The following C4orf51 variants were observed in gnomAD, a reference collection of about 807,000 sequenced individuals.
C4orf51 encodes chromosome 4 open reading frame 51.
In C4orf51, 25 loss-of-function variants were observed where a neutral mutation model predicts 25.2. The ratio of observed to expected loss-of-function variants is 0.99; its 90% CI spans 0.72 to 1.39. The LOEUF (loss-of-function observed/expected upper bound fraction) is 1.39. Among genes scored for constraint, C4orf51 ranks in the 40% most tolerant of loss-of-function variants. The pLI, the probability that C4orf51 is intolerant of heterozygous loss-of-function variation, is 0.00. For synonymous variants in C4orf51, 100 were observed against 84.5 expected (o/e 1.18, Z -1.01); for missense variants, 252 against 239.6 (o/e 1.05, Z -0.34).
Position 145,693,667 on chromosome 4 carries a change from C to G in C4orf51, c.234-2892C>G, listed in dbSNP as rs1406549273. Among the ~76,000 whole-genome samples, 134 of 31,626 alleles carry G rather than the reference C, an allele frequency of 4.2e-3. 12 individuals are homozygous for G. Among genetic ancestry groups the G allele is most frequent in the African/African-American group, 0.02 (125 of 6,268 alleles). The allele number at this position is 31,626 out of a possible 152,430, so 20.7% of individuals were successfully genotyped here. On this transcript the variant is annotated intron_variant, in intron 1 of 5. Transcript: ENST00000438731. The stretch of plus-strand genomic sequence containing the variant: ...GCGGCTGGCCGGGCAGGGGGGCTGA[C>G]CCCCCCCACCTCCCTCCCGGAGGGG...
At chr4:145,764,878 G>A in intron 1 of C4orf51, 2 of 1,478,540 alleles carry the variant, frequency 1.4e-6, no homozygotes, top group Admixed American at 1.7e-5. Context: ...CTCATACCAA[G>A]CTCCCCTTCT....
intron 1 of C4orf51, among the ~76,000 whole-genome samples, chr4:145,743,936 C>T (rs1733228485): frequency 6.6e-6 from 1 of 152,212 alleles, no homozygotes; most frequent in Non-Finnish European, 1.5e-5. Flanking sequence ...AATGCCTCCT[C>T]CCACCACAGT....
downstream of C4orf51, chr4:145,758,376 T>C (rs896154109): frequency 2.0e-5 from 3 of 152,184 alleles, no homozygotes; most frequent in African/African-American, 7.2e-5. Context: ...ACAAGTGGCA[T>C]GCTGTAAAAC....
intron 2 of C4orf51, among the ~76,000 whole-genome samples, chr4:145,700,944 G>C (rs961167381): frequency 1.3e-5 from 2 of 152,066 alleles, no homozygotes; most frequent in African/African-American, 4.8e-5. Flanking sequence ...CTCTTAAAAA[G>C]GTGGCTGGAG....
intron 4 of C4orf51, among the ~76,000 whole-genome samples, chr4:145,729,530 C>A (rs532412298): frequency 6.6e-6 from 1 of 151,898 alleles, no homozygotes; most frequent in Non-Finnish European, 1.5e-5. Flanking sequence ...CTCGATCTTC[C>A]GACCTTGTGA....
At chr4:145,790,764 A>G in the C4orf51 span, among the ~76,000 whole-genome samples, 2 of 152,338 alleles carry the variant, frequency 1.3e-5, no homozygotes, top group South Asian at 4.1e-4. Flanking sequence ...GTGTGACTAC[A>G]TCCAGTTTCA....
At chr4:145,734,422 T>C (rs535331755), downstream of C4orf51, among the ~76,000 whole-genome samples, 4 of 95,854 alleles carry the variant, frequency 4.2e-5, no homozygotes, top group Admixed American at 5.0e-4. Context: ...GATGGGAGGG[T>C]GGGGAAGAGA....
rs145443446 is a variant in C4orf51 at position 145,761,424 on chromosome 4, C to T, written n.167-9564C>T. ...TGGCGGTCTTGGACAGGTAGCCGCA[C>T]TGGTCGCACTTGTAGTGGTTGCCCA... On this transcript the variant is annotated intron_variant and non_coding_transcript_variant, in intron 1 of 1. Coordinates refer to the C4orf51 transcript ENST00000510096. The surrounding 1 kb of genome is among the most constrained non-coding windows in gnomAD (Gnocchi z 6.8). 1,016 of 1,289,862 alleles carry T rather than the reference C, an allele frequency of 7.9e-4. 8 individuals are homozygous for T. In the African/African-American group the frequency reaches 0.014, roughly 18 times the overall value. 79.9% of individuals were successfully genotyped at this position (1,289,862 alleles called of 1,614,324 possible). A position where few individuals can be genotyped will look rare whatever the true frequency, so the allele number is the denominator to read the frequency against.
At position 145,765,281 on chromosome 4, in the gene C4orf51, C is replaced by A; in HGVS notation, n.167-5707C>A. 4 of 1,167,072 alleles carry A rather than the reference C, an allele frequency of 3.4e-6. No homozygotes were observed. The highest frequency in any genetic ancestry group is 3.0e-4 in the Middle Eastern group (1 of 3,388). The allele number at this position is 1,167,072 out of a possible 1,614,324, so 72.3% of individuals were successfully genotyped here. A position where few individuals can be genotyped will look rare whatever the true frequency, so the allele number is the denominator to read the frequency against. On this transcript the variant is annotated intron_variant and non_coding_transcript_variant, in intron 1 of 1. Coordinates refer to the C4orf51 transcript ENST00000510096. This position sits in a 1 kb window ranked among gnomAD's most constrained non-coding sequence, Gnocchi z 4.7. ...CCTCCTCCGACGCCTGACAGCTATA[C>A]CCTTCCAGGCACTGTTCCCCATATC... is the stretch of plus-strand genomic sequence containing the variant.
intron 1 of C4orf51, among the ~76,000 whole-genome samples, chr4:145,749,409 G>T (rs1479013247): frequency 6.6e-6 from 1 of 151,894 alleles, no homozygotes; most frequent in African/African-American, 2.4e-5. Context: ...TACATTCAGT[G>T]TTATTATAGA....
At chr4:145,699,414 A>G (rs1226425300) in intron 2 of C4orf51, among the ~76,000 whole-genome samples, 2 of 151,726 alleles carry the variant, frequency 1.3e-5, no homozygotes, top group East Asian at 3.9e-4. Context: ...ACCAATTTCA[A>G]ATCCGGTAAG....
the C4orf51 span, among the ~76,000 whole-genome samples, chr4:145,785,161 T>C: frequency 6.6e-6 from 1 of 152,212 alleles, no homozygotes; most frequent in Non-Finnish European, 1.5e-5. Flanking sequence ...AGGAGAACGA[T>C]CTCATCTTAG....
the C4orf51 span, among the ~76,000 whole-genome samples, chr4:145,778,289 A>G: frequency 6.6e-6 from 1 of 152,114 alleles, no homozygotes; most frequent in Non-Finnish European, 1.5e-5. Context: ...GTGCACCACC[A>G]CATCCGTCTA....
chr4:145,770,336 AAATAAATAAAT>A (rs368207644), intron 1 of C4orf51, among the ~76,000 whole-genome samples: 53,601 of 149,488 alleles, frequency 0.36, 10,799 homozygotes, highest in Non-Finnish European at 0.47. Flanking sequence ...ATAAATAAAT[AAATAAATAAAT>A]AAAATAGATC....
chr4:145,738,405 G>T (rs970492713), intron 1 of C4orf51, among the ~76,000 whole-genome samples: 21 of 151,092 alleles, frequency 1.4e-4, no homozygotes, highest in African/African-American at 5.1e-4. Flanking sequence ...AGCTGAGATC[G>T]CACCACTGCA....
At chr4:145,704,443 A>G (rs1457179594) in intron 2 of C4orf51, among the ~76,000 whole-genome samples, 1 of 152,172 alleles carries the variant, frequency 6.6e-6, no homozygotes, top group African/African-American at 2.4e-5. Flanking sequence ...TGTCAAAGAA[A>G]TATATTTTTG....
At chr4:145,733,926 G>T (rs181407700), downstream of C4orf51, among the ~76,000 whole-genome samples, 54 of 152,304 alleles carry the variant, frequency 3.5e-4, no homozygotes, top group East Asian at 7.5e-3. Flanking sequence ...TTTTAATCTC[G>T]AATTTCTTGG....
At chr4:145,710,774 C>G (rs1459559823) in intron 2 of C4orf51, among the ~76,000 whole-genome samples, 1 of 151,832 alleles carries the variant, frequency 6.6e-6, no homozygotes, top group Non-Finnish European at 1.5e-5. Context: ...GCCTGACATT[C>G]CTGGTGTGTA....
chr4:145,719,360 C>A (rs1413216921), intron 2 of C4orf51, among the ~76,000 whole-genome samples: 1 of 152,162 alleles, frequency 6.6e-6, no homozygotes, highest in East Asian at 1.9e-4. Context: ...AATCCCAGCA[C>A]TTTGGGAGGC....
Sources: gnomAD v4.1 joint callset for allele counts (sites outside exome capture counted in the v4.1 genomes callset) on GRCh38, gnomAD v4.1.1 for gene constraint, Gnocchi (gnomAD v3.1) non-coding constraint, MANE v1.5 for transcripts, NCBI Gene and HGNC (gene_info 2026-07-23, HGNC 2026-07-21) for gene names.